The following CDKL3 variants were observed in gnomAD, a reference collection of about 807,000 sequenced individuals.
The protein encoded by CDKL3 is cyclin dependent kinase like 3, also known as cyclin-dependent kinase-like 3.
A neutral mutation model predicts 69.3 loss-of-function variants in CDKL3; 65 were observed. That is an observed-to-expected ratio of 0.94 (90% CI 0.77 to 1.15). The LOEUF (loss-of-function observed/expected upper bound fraction) is 1.15, where lower values mean the gene tolerates loss of function less well. CDKL3 is among the 50% of genes most tolerant of loss of function. The pLI is 0.00. For missense variants in CDKL3, 652 were observed against 689.2 expected (o/e 0.95, Z 0.61); for synonymous variants, 202 against 221.6 (o/e 0.91, Z 0.79).
downstream of CDKL3, among the ~76,000 whole-genome samples, chr5:134,296,475 C>T (rs1561486576): frequency 4.6e-5 from 7 of 152,026 alleles, no homozygotes; most frequent in Admixed American, 4.6e-4. Flanking sequence ...GTGCAATGGG[C>T]AAACACATAT....
At chr5:134,305,935 T>C (rs1354114094) in intron 10 of CDKL3, among the ~76,000 whole-genome samples, 2 of 152,212 alleles carry the variant, frequency 1.3e-5, no homozygotes, top group Non-Finnish European at 2.9e-5. Context: ...AAATAAGTTG[T>C]GTTTATTTGG....
upstream of CDKL3, among the ~76,000 whole-genome samples, chr5:134,369,659 T>A (rs1348700220): frequency 6.6e-6 from 1 of 152,128 alleles, no homozygotes; most frequent in East Asian, 1.9e-4. Context: ...CAGCTTCAAC[T>A]TCCTCGTCTC....
At chr5:134,334,243 T>C (rs1776510301) in intron 4 of CDKL3, among the ~76,000 whole-genome samples, 1 of 152,190 alleles carries the variant, frequency 6.6e-6, no homozygotes, top group Admixed American at 6.5e-5. Flanking sequence ...TGTTGATCTT[T>C]TCAAAAAACC....
chr5:134,371,622 C>A, upstream of CDKL3: 1 of 1,613,208 alleles, frequency 6.2e-7, no homozygotes, highest in Non-Finnish European at 8.5e-7. Flanking sequence ...GGAGGAGGCT[C>A]ATGCGGGATT....
rs186092285 is a variant in CDKL3 at position 134,322,909 on chromosome 5, G to A, written c.540-1006C>T. Among the ~76,000 whole-genome samples the A allele has an allele frequency of 3.3e-3, 502 of 152,080 alleles. 1 individual carries two copies. The highest frequency in any genetic ancestry group is 0.011 in the African/African-American group (475 of 41,460). Reference sequence around the variant, plus strand: ...CAGGAAAATCACTTGAACCCGGGAGGTGGAGGTTGTGGTGAGCCGAGATCA... The same window carrying A: ...CAGGAAAATCACTTGAACCCGGGAGATGGAGGTTGTGGTGAGCCGAGATCA... On this transcript the variant is annotated intron_variant, in intron 4 of 12. Transcript: ENST00000265334.
Position 134,293,002 on chromosome 5 carries a change from C to CTTTTTTTTTT in CDKL3, c.*678-6453_*678-6444dup, listed in dbSNP as rs558156596. Among the ~76,000 whole-genome samples, 55 of 43,906 alleles carry CTTTTTTTTTT rather than the reference C, an allele frequency of 1.3e-3. 10 individuals carry two copies. Among genetic ancestry groups the CTTTTTTTTTT allele is most frequent in the Admixed American group, 1.6e-3 (5 of 3,038 alleles). The allele number at this position is 43,906 out of a possible 152,430, so 28.8% of individuals were successfully genotyped here. A position where few individuals can be genotyped will look rare whatever the true frequency, so the allele number is the denominator to read the frequency against. The stretch of plus-strand genomic sequence containing the variant: ...GCCCTGTTGGCCTCACTGCCAATTT[C>CTTTTTTTTTT]TTTTTTTTTTTTTTTTTTTTTTTTT... On this transcript the variant is annotated intron_variant and NMD_transcript_variant, in intron 8 of 8. Transcript: ENST00000519312.
rs1765545863 is a variant in CDKL3, at chr5:134,298,642, GAA to G, written c.*7_*8del. ...CTTGTATTTTTTGGACTATGTAAAA[GAA>G]AAGACACTACCAGAAAAAAAACCTG... On this transcript the variant is annotated 3_prime_UTR_variant, in exon 13 of 13. Transcript: ENST00000265334. The G allele has an allele frequency of 6.2e-7, 1 of 1,611,690 alleles. No homozygotes were observed. Among genetic ancestry groups the G allele is most frequent in the African/African-American group, 1.3e-5 (1 of 74,718 alleles).
chr5:134,350,836 AAAAAAAAAG>A (rs1171245454), intron 3 of CDKL3, among the ~76,000 whole-genome samples: 1 of 148,960 alleles, frequency 6.7e-6, no homozygotes, highest in African/African-American at 2.6e-5. Context: ...AAAAAGAAAA[AAAAAAAAAG>A]AAAAAAAGAA....
At chr5:134,302,531 ACT>A in intron 12 of CDKL3, 57 bp downstream of exon 12, 2 of 844,240 alleles carry the variant, frequency 2.4e-6, no homozygotes, top group Admixed American at 5.4e-5. Flanking sequence ...AAATTTATAC[ACT>A]GAGTCAAGTC....
intron 5 of CDKL3, among the ~76,000 whole-genome samples, chr5:134,320,829 G>A (rs1317325940): frequency 2.0e-5 from 3 of 149,544 alleles, no homozygotes; most frequent in African/African-American, 4.9e-5. Flanking sequence ...AGCTGAGATC[G>A]CGCCCCTGCA....
downstream of CDKL3, chr5:134,298,297 T>C: frequency 1.1e-5 from 11 of 1,017,066 alleles, no homozygotes; most frequent in Non-Finnish European, 1.2e-5. Flanking sequence ...GAGGCCTGTG[T>C]GTTATAGGAG....
At chr5:134,289,131 C>T (rs1580747147) in intron 8 of CDKL3, among the ~76,000 whole-genome samples, 1 of 123,642 alleles carries the variant, frequency 8.1e-6, no homozygotes, top group Admixed American at 1.0e-4. Flanking sequence ...TACTGTAGTT[C>T]AGCCTAGACA....
intron 4 of CDKL3, among the ~76,000 whole-genome samples, chr5:134,330,257 T>A (rs1033501072): frequency 4.6e-5 from 7 of 152,006 alleles, no homozygotes; most frequent in Non-Finnish European, 7.4e-5. Context: ...AAAAAAAGAA[T>A]GAGGAGGAAC....
downstream of CDKL3, chr5:134,286,203 A>C (rs1168990146): frequency 4.6e-5 from 7 of 152,370 alleles, no homozygotes; most frequent in Admixed American, 4.6e-4. Context: ...AAAGTTCCAC[A>C]ATCTCTAGTG....
chr5:134,289,925 T>G (rs1000673985), intron 8 of CDKL3, among the ~76,000 whole-genome samples: 48 of 152,036 alleles, frequency 3.2e-4, no homozygotes, highest in South Asian at 6.2e-4. Flanking sequence ...CATTCTTCTG[T>G]TTTTTTTCCT....
chr5:134,310,375 A>G (rs1769102258), intron 7 of CDKL3, among the ~76,000 whole-genome samples: 1 of 151,982 alleles, frequency 6.6e-6, no homozygotes, highest in Non-Finnish European at 1.5e-5. Flanking sequence ...TATTTTTAGT[A>G]GAGACGGGGT....
intron 4 of CDKL3, among the ~76,000 whole-genome samples, chr5:134,339,406 A>T (rs1047767698): frequency 6.6e-6 from 1 of 152,228 alleles, no homozygotes; most frequent in East Asian, 1.9e-4. Context: ...AATACAAGAC[A>T]AAATAGACTT....
At chr5:134,325,562 C>T (rs894030089) in intron 4 of CDKL3, among the ~76,000 whole-genome samples, 1 of 152,102 alleles carries the variant, frequency 6.6e-6, no homozygotes, top group Non-Finnish European at 1.5e-5. Flanking sequence ...TACAAGTTTA[C>T]ATTTCCCCAC....
intron 6 of CDKL3, among the ~76,000 whole-genome samples, chr5:134,313,673 T>C (rs1770191730): frequency 6.6e-6 from 1 of 152,096 alleles, no homozygotes; most frequent in South Asian, 2.1e-4. Context: ...TGTACTATAA[T>C]GTGCATATAG....
Sources: gnomAD v4.1 joint callset for allele counts (sites outside exome capture counted in the v4.1 genomes callset) on GRCh38, gnomAD v4.1.1 for gene constraint, MANE v1.5 for transcripts, NCBI Gene and HGNC (gene_info 2026-07-23, HGNC 2026-07-21) for gene names.